The following MMP26 variants were observed in gnomAD, a reference collection of about 807,000 sequenced individuals.
The protein encoded by MMP26 is matrix metallopeptidase 26, also known as matrix metalloproteinase-26.
Under a neutral mutation model 31.0 loss-of-function variants are expected in MMP26, and 33 were observed. The observed-to-expected ratio is 1.06, with a 90% confidence interval of 0.81 to 1.42. The LOEUF (loss-of-function observed/expected upper bound fraction) is 1.42. Among genes scored for constraint, MMP26 ranks in the 40% most tolerant of loss-of-function variants. MMP26 has a pLI of 0.00. For synonymous variants in MMP26, 122 were observed against 114.9 expected, an observed-to-expected ratio of 1.06 and a Z score of -0.40; for missense variants, 347 against 316.1, an observed-to-expected ratio of 1.10 and a Z score of -0.74.
intron 2 of MMP26, chr11:4,944,504 A>G (rs1240369294): frequency 6.5e-6 from 1 of 154,310 alleles, no homozygotes; most frequent in Non-Finnish European, 1.4e-5. Context: ...AAGATTTTCC[A>G]TTAATTGTGA....
intron 2 of MMP26, among the ~76,000 whole-genome samples, chr11:4,785,709 C>G (rs1013017760): frequency 1.3e-5 from 2 of 152,180 alleles, no homozygotes; most frequent in African/African-American, 4.8e-5. Flanking sequence ...CAGCTTTTAA[C>G]AAACAGCCTC....
At position 4,720,648 on chromosome 11, in the gene MMP26, A is replaced by C. The variant is rs183219017; in HGVS notation, c.-217+15603A>C. ...ACAAAGAGAAGAGTTTGGGCTTATT[A>C]AAAACTATGATTTTGGTGGAGAGTT... is the stretch of plus-strand genomic sequence containing the variant. On this transcript the variant is annotated intron_variant, in intron 1 of 7. Coordinates refer to ENST00000380390, the MANE Select transcript of MMP26 (RefSeq NM_021801.5). Among the ~76,000 whole-genome samples, 740 of 152,334 alleles carry C rather than the reference A, an allele frequency of 4.9e-3. 1 individual carries two copies. The highest frequency in any genetic ancestry group is 8.1e-3 in the Non-Finnish European group (549 of 68,034).
At chr11:4,960,700 G>A (rs894882514) in intron 2 of MMP26, among the ~76,000 whole-genome samples, 1 of 151,066 alleles carries the variant, frequency 6.6e-6, no homozygotes, top group African/African-American at 2.4e-5. Context: ...GTACCAAAAG[G>A]CCAAAATACA....
chr11:4,870,063 G>T (rs1461637017), intron 2 of MMP26, among the ~76,000 whole-genome samples: 1 of 152,010 alleles, frequency 6.6e-6, no homozygotes, highest in Non-Finnish European at 1.5e-5. Context: ...CACACACTGG[G>T]GCCTGTTGTG....
chr11:4,853,714 A>G (rs1228673717), intron 2 of MMP26, among the ~76,000 whole-genome samples: 2 of 152,214 alleles, frequency 1.3e-5, no homozygotes, highest in Non-Finnish European at 2.9e-5. Flanking sequence ...ATCACATATT[A>G]AAAGAAGAAA....
chr11:4,882,171 C>A, intron 2 of MMP26: 1 of 1,613,884 alleles, frequency 6.2e-7, no homozygotes, highest in Non-Finnish European at 8.5e-7. Flanking sequence ...TGGTTTCATG[C>A]CCGGGAGATC....
rs1198043000 is a variant in MMP26 at position 4,950,930 on chromosome 11, A to G, written c.-144-37138A>G. Among the ~76,000 whole-genome samples the G allele has an allele frequency of 4.0e-5, 5 of 123,970 alleles. 2 individuals carry two copies. Among genetic ancestry groups the G allele is most frequent in the African/African-American group, 1.4e-4 (5 of 36,668 alleles). The allele number at this position is 123,970 out of a possible 152,430, so 81.3% of individuals were successfully genotyped here. A position where few individuals can be genotyped will look rare whatever the true frequency, so the allele number is the denominator to read the frequency against. ...TAGAATGCTTACACTTTGCTATTAG[A>G]TGTGTAAATCAGTGCAAGTTCTTTG... On this transcript the variant is annotated intron_variant, in intron 2 of 7. Coordinates refer to ENST00000380390, the MANE Select transcript of MMP26 (RefSeq NM_021801.5).
At chr11:4,912,896 A>T (rs1851012968) in intron 2 of MMP26, 2 of 152,096 alleles carry the variant, frequency 1.3e-5, no homozygotes, top group African/African-American at 4.8e-5. Flanking sequence ...AAACCTCAGG[A>T]CTATCATGTT....
At chr11:4,723,849 C>T in intron 1 of MMP26, 1 of 1,497,226 alleles carries the variant, frequency 6.7e-7, no homozygotes, top group Non-Finnish European at 9.2e-7. Context: ...GGAACCGTAC[C>T]TTGTCTATGA....
chr11:4,849,316 C>A, intron 2 of MMP26: 4 of 1,179,254 alleles, frequency 3.4e-6, no homozygotes, highest in Non-Finnish European at 4.8e-6. Context: ...TGCATCTTCC[C>A]TTCCCTGACT....
intron 2 of MMP26, chr11:4,875,219 A>T (rs1220183813): frequency 6.6e-6 from 1 of 152,100 alleles, no homozygotes; most frequent in Non-Finnish European, 1.5e-5. Flanking sequence ...GGACAGAGAA[A>T]TCTAATTGCA....
intron 2 of MMP26, among the ~76,000 whole-genome samples, chr11:4,930,189 T>C (rs1589942618): frequency 6.6e-6 from 1 of 152,086 alleles, no homozygotes; most frequent in East Asian, 1.9e-4. Context: ...TCATCTTCAA[T>C]CAGATTCTAA....
At chr11:4,737,539 A>G (rs1564898089) in intron 1 of MMP26, among the ~76,000 whole-genome samples, 2 of 152,210 alleles carry the variant, frequency 1.3e-5, no homozygotes, top group African/African-American at 2.4e-5. Context: ...GCTACTTGGG[A>G]GGCTGAGGCA....
At chr11:4,849,905 G>A (rs1424626478) in intron 2 of MMP26, among the ~76,000 whole-genome samples, 1 of 152,052 alleles carries the variant, frequency 6.6e-6, no homozygotes, top group African/African-American at 2.4e-5. Context: ...GTGGTATTTT[G>A]TTACATGCAT....
At chr11:4,817,175 T>A (rs1849433378) in intron 2 of MMP26, among the ~76,000 whole-genome samples, 1 of 152,108 alleles carries the variant, frequency 6.6e-6, no homozygotes, top group African/African-American at 2.4e-5. Flanking sequence ...TTTTTATATA[T>A]GGCCTAGGAA....
chr11:4,852,120 C>T (rs376010300), intron 2 of MMP26, among the ~76,000 whole-genome samples: 6 of 151,930 alleles, frequency 3.9e-5, no homozygotes, highest in East Asian at 1.9e-4. Context: ...CACAAAAATA[C>T]GTGAGAGATG....
At chr11:4,844,229 A>G (rs995347525) in intron 2 of MMP26, among the ~76,000 whole-genome samples, 5 of 152,186 alleles carry the variant, frequency 3.3e-5, no homozygotes, top group Non-Finnish European at 7.4e-5. Context: ...GAAGAAATCC[A>G]AAATATAAAC....
Position 4,878,286 on chromosome 11 carries a change from G to A in MMP26, c.-144-109782G>A, listed in dbSNP as rs150736268. On this transcript the variant is annotated intron_variant, in intron 2 of 7. Transcript: ENST00000380390. Reference sequence around the variant, plus strand: ...AATAACTTTTTTGAGAAATCTATCCGGACTGCTTAGTCCATTAGAATCACT... The same window carrying A: ...AATAACTTTTTTGAGAAATCTATCCAGACTGCTTAGTCCATTAGAATCACT... 2.5e-3 allele frequency among the ~76,000 whole-genome samples: 377 copies of A among 152,032 alleles called. 1 individual carries two copies. The highest frequency in any genetic ancestry group is 8.6e-3 in the African/African-American group (355 of 41,454).
chr11:4,867,563 G>T (rs1268625331), intron 2 of MMP26, among the ~76,000 whole-genome samples: 1 of 151,766 alleles, frequency 6.6e-6, no homozygotes, highest in Non-Finnish European at 1.5e-5. Flanking sequence ...GCTAATTTTT[G>T]TATTTTTAGT....
Sources: allele counts gnomAD v4.1 joint callset (sites outside exome capture counted in the v4.1 genomes callset), GRCh38; gene constraint gnomAD v4.1.1; transcripts MANE v1.5; gene names NCBI Gene and HGNC (gene_info 2026-07-23, HGNC 2026-07-21).